Variants in DCAF6 observed in about 807,000 individuals in gnomAD.
DCAF6 encodes the protein DDB1 and CUL4 associated factor 6, also known as DDB1- and CUL4-associated factor 6.
A neutral mutation model predicts 125.1 loss-of-function variants in DCAF6; 54 were observed. The ratio of observed to expected loss-of-function variants is 0.43; its 90% CI spans 0.35 to 0.54. The LOEUF is 0.54. Ranked by LOEUF, DCAF6 falls within the 20% of genes least tolerant of loss-of-function variation. The probability of loss-of-function intolerance (pLI) is 0.01; values close to 1 mark genes in which losing one functional copy is unlikely to be tolerated. For missense variants in DCAF6, 934 were observed against 1,161.7 expected (o/e 0.80, Z 2.85); for synonymous variants, 371 against 390.4 (o/e 0.95, Z 0.58).
At chr1:167,893,986 G>T in the DCAF6 span, 1 of 1,354,620 alleles carries the variant, frequency 7.4e-7, no homozygotes, top group East Asian at 2.3e-5. Context: ...GGGAAGTTTG[G>T]CTCTGCAGTG....
chr1:167,891,607 G>A, the DCAF6 span, among the ~76,000 whole-genome samples: 15 of 148,406 alleles, frequency 1.0e-4, no homozygotes, highest in African/African-American at 3.8e-4. Context: ...AGTGAGCCAA[G>A]ATTGCGCCAC....
chr1:168,039,773 A>G (rs1035796594), intron 13 of DCAF6, among the ~76,000 whole-genome samples: 4 of 149,694 alleles, frequency 2.7e-5, no homozygotes, highest in African/African-American at 4.9e-5. Flanking sequence ...GTATTGTCTT[A>G]ATATGTAATG....
the DCAF6 span, among the ~76,000 whole-genome samples, chr1:167,873,955 C>G: frequency 1.3e-5 from 2 of 152,154 alleles, no homozygotes; most frequent in Non-Finnish European, 2.9e-5. Context: ...AAGGACCCAT[C>G]TCTAGAATGT....
Position 168,075,429 on chromosome 1 carries a change from G to A in DCAF6, c.2850G>A (p.Glu950=). 1 of 1,597,948 alleles carries A rather than the reference G, an allele frequency of 6.3e-7. No homozygotes were observed. The highest frequency in any genetic ancestry group is 8.5e-7 in the Non-Finnish European group (1 of 1,175,514). ...GTCAAGAGAATGAAAATGAGGATGAGGAATAATAAACTCTTTTTGGCAAGC... is the reference window on the plus strand; with the variant it reads ...GTCAAGAGAATGAAAATGAGGATGAAGAATAATAAACTCTTTTTGGCAAGC... ...GSGQENENED[E]E is the part of the protein sequence containing the mutation. The change falls in exon 22 of 22, where the codon GAG becomes GAA. Residue 950 remains glutamate (E), a synonymous_variant. Coordinates refer to ENST00000367840, the MANE Select transcript of DCAF6 (RefSeq NM_001198956.2).
chr1:167,934,300 T>C (rs1670997795), upstream of DCAF6, among the ~76,000 whole-genome samples: 1 of 152,206 alleles, frequency 6.6e-6, no homozygotes, highest in Admixed American at 6.5e-5. Context: ...CATGCCCTTA[T>C]CCTACAGCTA....
At chr1:167,868,750 T>C in the DCAF6 span, among the ~76,000 whole-genome samples, 759 of 152,336 alleles carry the variant, frequency 5.0e-3, 7 homozygotes, top group Non-Finnish European at 9.7e-3. Flanking sequence ...CCATAGATAA[T>C]TAAAAAGATG....
intron 2 of DCAF6, among the ~76,000 whole-genome samples, chr1:167,963,770 T>C (rs530830521): frequency 6.6e-6 from 1 of 151,824 alleles, no homozygotes; most frequent in East Asian, 1.9e-4. Context: ...GTTTTTTTTT[T>C]CTCCTTCCTT....
intron 11 of DCAF6, among the ~76,000 whole-genome samples, chr1:168,016,975 G>C (rs1396470943): frequency 6.6e-6 from 1 of 152,022 alleles, no homozygotes; most frequent in African/African-American, 2.4e-5. Flanking sequence ...GTTCTAGTAA[G>C]TGCTGTGGTA....
At chr1:168,050,075 A>G (rs1689711054) in intron 16 of DCAF6, among the ~76,000 whole-genome samples, 1 of 151,474 alleles carries the variant, frequency 6.6e-6, no homozygotes, top group Admixed American at 6.6e-5. Flanking sequence ...TGAAAAAAAA[A>G]AACAAGCATC....
rs757124643 is a variant in DCAF6 at position 168,045,013 on chromosome 1, G to A, written c.2044G>A (p.Ala682Thr). 6.2e-6 allele frequency: 10 copies of A among 1,613,918 alleles called. No individual in the cohort carries two copies. The African/African-American group carries it at 9.3e-5, about 15-fold the overall frequency. ...AGAAGAATCTGCTTCATCTGAAAAA[G>A]CCAAGGAACCAGAAACTTCAGATCA... is the stretch of plus-strand genomic sequence containing the variant. ...VPEESASSEKAKEPETSDQTS... is the reference protein window; with the variant it reads ...VPEESASSEKTKEPETSDQTS... The change falls in exon 16 of 22, where the codon GCC becomes ACC. Residue 682 changes from alanine to threonine, a missense_variant. Transcript: ENST00000367840.
chr1:167,866,530 CAAAAA>C, the DCAF6 span, among the ~76,000 whole-genome samples: 5,236 of 110,698 alleles, frequency 0.047, 132 homozygotes, highest in Middle Eastern at 0.099. Flanking sequence ...CTCTATGTGC[CAAAAA>C]AAAAAAAAAA....
At chr1:167,992,690 C>T (rs934655953) in intron 6 of DCAF6, among the ~76,000 whole-genome samples, 2 of 152,202 alleles carry the variant, frequency 1.3e-5, no homozygotes, top group Non-Finnish European at 2.9e-5. Flanking sequence ...GTACACCTAT[C>T]TGTCATATTG....
chr1:167,918,183 T>C, the DCAF6 span: 4 of 598,486 alleles, frequency 6.7e-6, no homozygotes, highest in Non-Finnish European at 1.1e-5. Context: ...TGCTGCATTT[T>C]TCTATTGAAT....
the DCAF6 span, among the ~76,000 whole-genome samples, chr1:167,864,798 G>A: frequency 1.3e-5 from 2 of 151,252 alleles, no homozygotes; most frequent in East Asian, 1.9e-4. Flanking sequence ...GGCGTATCCC[G>A]AAAGCACTGA....
chr1:167,896,775 T>C, the DCAF6 span: 1 of 978,980 alleles, frequency 1.0e-6, no homozygotes. Flanking sequence ...AGAAAGAGAG[T>C]ATGCTTTTGA....
the DCAF6 span, among the ~76,000 whole-genome samples, chr1:167,929,780 C>T: frequency 6.6e-6 from 1 of 152,144 alleles, no homozygotes; most frequent in South Asian, 2.1e-4. Context: ...CACATATACA[C>T]ACTTACAAAT....
the DCAF6 span, chr1:167,878,445 C>A: frequency 1.2e-6 from 2 of 1,613,750 alleles, no homozygotes; most frequent in Non-Finnish European, 1.7e-6. Context: ...TCCACACTCA[C>A]ACTTTCTCAG....
At chr1:168,022,956 A>G (rs772427764) in intron 11 of DCAF6, 32 bp from the exon 12 acceptor site, 19 of 1,604,228 alleles carry the variant, frequency 1.2e-5, no homozygotes, top group South Asian at 5.5e-5. Flanking sequence ...TCTGCTGCTT[A>G]CTTTTAAGTT....
At chr1:167,884,228 A>T in the DCAF6 span, among the ~76,000 whole-genome samples, 1 of 152,218 alleles carries the variant, frequency 6.6e-6, no homozygotes, top group Non-Finnish European at 1.5e-5. Context: ...ATTGACTCAC[A>T]GTTCCATGGG....
Sources: gnomAD v4.1 joint callset for allele counts (sites outside exome capture counted in the v4.1 genomes callset) on GRCh38, gnomAD v4.1.1 for gene constraint, MANE v1.5 for transcripts, NCBI Gene and HGNC (gene_info 2026-07-23, HGNC 2026-07-21) for gene names.